Variants in MKNK1 observed in about 807,000 individuals in gnomAD.
MKNK1 encodes the protein MAP kinase-interacting serine/threonine-protein kinase 1.
A neutral mutation model predicts 49.3 loss-of-function variants in MKNK1; 30 were observed. The ratio of observed to expected loss-of-function variants is 0.61; its 90% CI spans 0.46 to 0.83. MKNK1 has a LOEUF of 0.83. Among genes scored for constraint, MKNK1 ranks in the 40% least tolerant of loss-of-function variants. The pLI is 0.00. For synonymous variants in MKNK1, 176 were observed against 201.7 expected (o/e 0.87, Z 1.08); for missense variants, 423 against 524.7 (o/e 0.81, Z 1.89).
chr1:46,602,895 C>T (rs932294144), intron 1 of MKNK1, among the ~76,000 whole-genome samples: 15 of 152,320 alleles, frequency 9.8e-5, no homozygotes, highest in African/African-American at 3.6e-4. Flanking sequence ...CAGGAGACCA[C>T]ATGCACTTTC....
chr1:46,580,379 G>C (rs1557865418), intron 4 of MKNK1, 151 bp downstream of exon 4: 1 of 631,122 alleles, frequency 1.6e-6, no homozygotes, highest in East Asian at 2.8e-5. Context: ...ACTTGCCCGA[G>C]GTACACAGTA....
rs75129209 is a variant in MKNK1 at position 46,595,763 on chromosome 1, C to G, written c.-170-1483G>C. 8.0e-3 allele frequency among the ~76,000 whole-genome samples: 1,216 copies of G among 152,306 alleles called. 11 individuals carry two copies. The highest frequency in any genetic ancestry group is 0.013 in the Non-Finnish European group (873 of 68,026). On this transcript the variant is annotated intron_variant, in intron 1 of 12. Transcript: ENST00000371945. ...ACACTTCCAGGGACAGCCTTGAACA[C>G]CATCCAACGACAGGATCTGGCTCCA...
chr1:46,601,201 G>C (rs1416664356), intron 1 of MKNK1, among the ~76,000 whole-genome samples: 1 of 152,228 alleles, frequency 6.6e-6, no homozygotes, highest in Non-Finnish European at 1.5e-5. Context: ...ACAGGCGTGA[G>C]CCACACACCG....
intron 10 of MKNK1, among the ~76,000 whole-genome samples, chr1:46,562,438 ATCT>A (rs1668181513): frequency 6.9e-6 from 1 of 144,764 alleles, no homozygotes; most frequent in Admixed American, 6.9e-5. Flanking sequence ...TTCAGGCATG[ATCT>A]TCTAACAATC....
chr1:46,585,922 A>C, intron 2 of MKNK1: 1 of 1,366,014 alleles, frequency 7.3e-7, no homozygotes, highest in African/African-American at 1.5e-5. Flanking sequence ...GCCAGAAGGG[A>C]CAAATGGTTA....
chr1:46,560,468 A>G (rs1446924286), intron 11 of MKNK1, among the ~76,000 whole-genome samples, 191 bp from the exon 12 acceptor site: 3 of 152,138 alleles, frequency 2.0e-5, no homozygotes, highest in Non-Finnish European at 4.4e-5. Flanking sequence ...GCAGCCCCCA[A>G]CATAGCTGCT....
At position 46,564,044 on chromosome 1, in the gene MKNK1, C is replaced by CAAAAAAAAAA. The variant is rs1217205121; in HGVS notation, c.609+987_609+996dup. Among the ~76,000 whole-genome samples the CAAAAAAAAAA allele has an allele frequency of 3.8e-4, 15 of 39,084 alleles. No homozygotes were observed. In the South Asian group the frequency reaches 6.3e-3, roughly 16 times the overall value. 25.6% of individuals were successfully genotyped at this position (39,084 alleles called of 152,430 possible). On this transcript the variant is annotated intron_variant, in intron 9 of 12. Coordinates refer to ENST00000371945, the MANE Select transcript of MKNK1 (RefSeq NM_001135553.4). ...TGGGCAACAGAGCAAGACTCTGTCT[C>CAAAAAAAAAA]AAAAAAAAAAAAAAAAAAAAAGGGT...
At chr1:46,579,593 T>G (rs1671458835) in intron 4 of MKNK1, among the ~76,000 whole-genome samples, 1 of 152,204 alleles carries the variant, frequency 6.6e-6, no homozygotes, top group African/African-American at 2.4e-5. Flanking sequence ...TGTTAACATT[T>G]GTATTGCTGG....
At chr1:46,561,422 G>T (rs1390205742) in intron 11 of MKNK1, 56 bp downstream of exon 11, 2 of 1,526,334 alleles carry the variant, frequency 1.3e-6, no homozygotes, top group African/African-American at 2.8e-5. Flanking sequence ...CAGCTTCCTT[G>T]TGGCCATGCC....
chr1:46,572,211 A>C (rs1278224572), intron 6 of MKNK1, 44 bp from the exon 7 acceptor site: 40 of 1,528,244 alleles, frequency 2.6e-5, no homozygotes, highest in Non-Finnish European at 3.6e-5. Flanking sequence ...TTTGGGCTCT[A>C]GTAAGTATAA....
intron 4 of MKNK1, among the ~76,000 whole-genome samples, chr1:46,577,726 C>T (rs183975874): frequency 6.6e-6 from 1 of 152,296 alleles, no homozygotes; most frequent in East Asian, 1.9e-4. Flanking sequence ...AGATGCTTGT[C>T]AAATGCTGAC....
At chr1:46,596,284 TGGACACTGAAA>T (rs1283605023) in intron 1 of MKNK1, among the ~76,000 whole-genome samples, 1 of 152,256 alleles carries the variant, frequency 6.6e-6, no homozygotes, top group Non-Finnish European at 1.5e-5. Context: ...ACTTTATTTT[TGGACACTGAAA>T]TTTAAATTTC....
chr1:46,587,794 G>A (rs920424330), intron 2 of MKNK1, among the ~76,000 whole-genome samples: 8 of 151,702 alleles, frequency 5.3e-5, no homozygotes, highest in Non-Finnish European at 1.0e-4. Flanking sequence ...TCCAGCCTGC[G>A]CAACAAGAGT....
chr1:46,585,708 C>T (rs1360131397), intron 2 of MKNK1: 1 of 469,806 alleles, frequency 2.1e-6, no homozygotes, highest in Non-Finnish European at 4.4e-6. Context: ...ACAGGGGACA[C>T]TCAGGCACAC....
chr1:46,587,339 A>G (rs890678052), intron 2 of MKNK1, among the ~76,000 whole-genome samples: 28 of 152,204 alleles, frequency 1.8e-4, no homozygotes, highest in African/African-American at 6.8e-4. Flanking sequence ...CTGAAGAAGC[A>G]GCATGCTGCT....
At chr1:46,603,945 G>C (rs951939501) in intron 1 of MKNK1, among the ~76,000 whole-genome samples, 11 of 152,234 alleles carry the variant, frequency 7.2e-5, no homozygotes, top group East Asian at 5.8e-4. Flanking sequence ...AGTCTCAAAC[G>C]GGCCACAGAG....
At position 46,594,116 on chromosome 1, in the gene MKNK1, T is replaced by C. The variant is rs751616221; in HGVS notation, c.-6A>G. On this transcript the variant is annotated 5_prime_UTR_variant, in exon 2 of 13. Transcript: ENST00000371945. Reference sequence around the variant, plus strand: ...TAAAATGTACACCCAATCTTACCTATAGGTTTTTCCAACTTTTGAGAAGAT... The same window carrying C: ...TAAAATGTACACCCAATCTTACCTACAGGTTTTTCCAACTTTTGAGAAGAT... 9 of 1,606,068 alleles carry C rather than the reference T, an allele frequency of 5.6e-6. No individual in the cohort carries two copies. The highest frequency in any genetic ancestry group is 1.1e-5 in the South Asian group (1 of 90,918).
At chr1:46,576,738 G>A (rs1004260865) in intron 4 of MKNK1, 84 bp from the exon 5 acceptor site, 1 of 1,119,928 alleles carries the variant, frequency 8.9e-7, no homozygotes, top group South Asian at 1.2e-5. Flanking sequence ...AGAATGCAAG[G>A]CCACACTCAG....
intron 9 of MKNK1, among the ~76,000 whole-genome samples, chr1:46,563,906 G>A (rs562702770): frequency 9.3e-6 from 1 of 106,976 alleles, no homozygotes. Flanking sequence ...TTAGCCAGGC[G>A]TGGTGGCGGG....
Sources: gnomAD v4.1 joint callset for allele counts (sites outside exome capture counted in the v4.1 genomes callset) on GRCh38, gnomAD v4.1.1 for gene constraint, MANE v1.5 for transcripts, NCBI Gene and HGNC (gene_info 2026-07-23, HGNC 2026-07-21) for gene names.